The following SH3PXD2B variants were observed in gnomAD, a reference collection of about 807,000 sequenced individuals.
SH3PXD2B encodes the protein SH3 and PX domain-containing protein 2B.
SH3PXD2B carries 37 observed loss-of-function variants against 73.1 expected under a neutral mutation model. That is an observed-to-expected ratio of 0.51 (90% CI 0.39 to 0.67). The LOEUF (loss-of-function observed/expected upper bound fraction) is 0.67. Among genes scored for constraint, SH3PXD2B ranks in the 30% least tolerant of loss-of-function variants. SH3PXD2B has a pLI of 0.00. For synonymous variants in SH3PXD2B, 457 were observed against 480.5 expected (o/e 0.95, Z 0.64); for missense variants, 1,053 against 1,197.8 (o/e 0.88, Z 1.78).
At position 172,334,195 on chromosome 5, in the gene SH3PXD2B, AG is replaced by A; in HGVS notation, c.*4173del. Reference sequence around the variant, plus strand: ...CTCGATAACTTGGCAGAATAGCACCAGAAACCAGATGCCACCCCACGGAGCT... The same window carrying A: ...CTCGATAACTTGGCAGAATAGCACCAAAACCAGATGCCACCCCACGGAGCT... On this transcript the variant is annotated 3_prime_UTR_variant, in exon 13 of 13. Transcript: ENST00000311601. The A allele has an allele frequency of 9.1e-7, 1 of 1,100,432 alleles. No individual in the cohort carries two copies. The allele number at this position is 1,100,432 out of a possible 1,614,324, so 68.2% of individuals were successfully genotyped here.
At chr5:172,420,483 G>C (rs1315490872) in intron 2 of SH3PXD2B, among the ~76,000 whole-genome samples, 1 of 151,786 alleles carries the variant, frequency 6.6e-6, no homozygotes, top group Non-Finnish European at 1.5e-5. Flanking sequence ...GCACTGTCAG[G>C]AGCAGATTAG....
At chr5:172,378,718 C>T (rs1403452349) in intron 5 of SH3PXD2B, among the ~76,000 whole-genome samples, 1 of 152,174 alleles carries the variant, frequency 6.6e-6, no homozygotes, top group African/African-American at 2.4e-5. Context: ...GCCCATCTTA[C>T]ATAAGAGGAG....
At chr5:172,448,572 G>A (rs1166051568) in intron 1 of SH3PXD2B, among the ~76,000 whole-genome samples, 1 of 152,204 alleles carries the variant, frequency 6.6e-6, no homozygotes, top group Non-Finnish European at 1.5e-5. Flanking sequence ...AGCGCTTGAA[G>A]AGAATTCAAA....
chr5:172,348,429 A>C (rs547215425), intron 10 of SH3PXD2B, among the ~76,000 whole-genome samples: 1 of 151,966 alleles, frequency 6.6e-6, no homozygotes, highest in South Asian at 2.1e-4. Context: ...TTCTGGACCG[A>C]GGGATGAGGG....
rs1037161871 is a variant in SH3PXD2B at position 172,419,533 on chromosome 5, G to T, written c.156+2883C>A. ...TCCAGGTGGAAGGTGCTCACTGGGG[G>T]TTGCTCTTGGGGGATGTGGGCCAGT... is the stretch of plus-strand genomic sequence containing the variant. On this transcript the variant is annotated intron_variant, in intron 2 of 12. Coordinates refer to ENST00000311601, the MANE Select transcript of SH3PXD2B (RefSeq NM_001017995.3). Among the ~76,000 whole-genome samples the T allele has an allele frequency of 2.0e-5, 3 of 152,174 alleles. No homozygotes were observed. The South Asian group carries it at 6.2e-4, about 32-fold the overall frequency.
chr5:172,388,896 C>T (rs1482820141), intron 4 of SH3PXD2B, among the ~76,000 whole-genome samples: 1 of 152,180 alleles, frequency 6.6e-6, no homozygotes. Flanking sequence ...AAGAGCTGAA[C>T]CTTCTTCTGA....
intron 8 of SH3PXD2B, among the ~76,000 whole-genome samples, chr5:172,358,378 G>A (rs2569233): frequency 0.44 from 67,283 of 152,092 alleles, 15,311 homozygotes; most frequent in East Asian, 0.68. Context: ...CCACAGAGAA[G>A]GCAGAGGTTT....
At chr5:172,392,537 C>T (rs1278539380) in intron 4 of SH3PXD2B, among the ~76,000 whole-genome samples, 1 of 151,260 alleles carries the variant, frequency 6.6e-6, no homozygotes, top group Admixed American at 6.6e-5. Context: ...TTTGGGAGGC[C>T]GAAGTGGGTG....
At chr5:172,346,304 C>T (rs1387794541) in intron 11 of SH3PXD2B, 43 bp from the exon 12 acceptor site, 2 of 1,612,040 alleles carry the variant, frequency 1.2e-6, no homozygotes, top group South Asian at 1.1e-5. Context: ...GCTAAGTGCA[C>T]TCCTGCGACC....
At chr5:172,328,028 T>TATA (rs1382864656) in intron 12 of SH3PXD2B, among the ~76,000 whole-genome samples, 1 of 149,220 alleles carries the variant, frequency 6.7e-6, no homozygotes, top group Non-Finnish European at 1.5e-5. Flanking sequence ...GTGCTGGGAT[T>TATA]ATAGGCGTGA....
chr5:172,366,223 A>C lies in SH3PXD2B; in HGVS notation c.428-3354T>G, dbSNP rs183418968. Among the ~76,000 whole-genome samples, 93 of 152,204 alleles carry C rather than the reference A, an allele frequency of 6.1e-4. 1 individual carries two copies. Among genetic ancestry groups the C allele is most frequent in the Admixed American group, 3.8e-3 (58 of 15,296 alleles). On this transcript the variant is annotated intron_variant, in intron 6 of 12. Coordinates refer to ENST00000311601, the MANE Select transcript of SH3PXD2B (RefSeq NM_001017995.3). ...GTGCAGTGCTCCATCACCTGGCTTC[A>C]CCATGTCCTCATGGAGCCACACCCT...
intron 3 of SH3PXD2B, among the ~76,000 whole-genome samples, chr5:172,396,373 G>A (rs114306672): frequency 0.055 from 8,202 of 150,322 alleles, 341 homozygotes; most frequent in South Asian, 0.23. Flanking sequence ...GTGAGACTCC[G>A]TCTCAAAAAA....
chr5:172,384,663 A>G (rs1020572369), intron 4 of SH3PXD2B, among the ~76,000 whole-genome samples: 4 of 152,218 alleles, frequency 2.6e-5, no homozygotes, highest in African/African-American at 9.6e-5. Context: ...TTCAAGGTTC[A>G]TGCTTGCAGC....
At chr5:172,448,766 G>A (rs552777429) in intron 1 of SH3PXD2B, among the ~76,000 whole-genome samples, 2 of 152,166 alleles carry the variant, frequency 1.3e-5, no homozygotes, top group Admixed American at 6.6e-5. Flanking sequence ...GGGGGCATTC[G>A]GCCAGTTGTC....
At chr5:172,412,990 C>T (rs531531866) in intron 2 of SH3PXD2B, among the ~76,000 whole-genome samples, 6 of 152,324 alleles carry the variant, frequency 3.9e-5, no homozygotes, top group Admixed American at 2.6e-4. Context: ...CATCAGCTTG[C>T]GGTAGAGGGA....
At position 172,454,473 on chromosome 5, in the gene SH3PXD2B, C is replaced by G. The variant is rs1489230013; in HGVS notation, c.-121G>C. On this transcript the variant is annotated 5_prime_UTR_variant, in exon 1 of 13. Coordinates refer to ENST00000311601, the MANE Select transcript of SH3PXD2B (RefSeq NM_001017995.3). ...AGCTGAGCGCAATCGCAGCCGGGGC[C>G]GAGCACGAGCCGCCGCCGCCACCGC... The G allele has an allele frequency of 1.0e-5, 4 of 391,460 alleles. No individual in the cohort carries two copies. The highest frequency in any genetic ancestry group is 1.1e-5 in the Non-Finnish European group (3 of 277,740). The allele number at this position is 391,460 out of a possible 1,614,324, so 24.2% of individuals were successfully genotyped here.
At chr5:172,333,165 C>T (rs1437682063), downstream of SH3PXD2B, among the ~76,000 whole-genome samples, 2 of 151,838 alleles carry the variant, frequency 1.3e-5, no homozygotes, top group Admixed American at 6.6e-5. Flanking sequence ...GAACTCCTGA[C>T]CTCAGGTGAT....
intron 5 of SH3PXD2B, among the ~76,000 whole-genome samples, chr5:172,376,563 C>T (rs531628304): frequency 6.6e-6 from 1 of 152,256 alleles, no homozygotes; most frequent in South Asian, 2.1e-4. Flanking sequence ...GGAGCCAAGC[C>T]CAAGAGCAGG....
At chr5:172,407,297 G>A (rs982438675) in intron 2 of SH3PXD2B, among the ~76,000 whole-genome samples, 2 of 152,220 alleles carry the variant, frequency 1.3e-5, no homozygotes, top group Non-Finnish European at 2.9e-5. Flanking sequence ...CAATCCATGT[G>A]AGCTGGAGAC....
Sources: allele counts gnomAD v4.1 joint callset (sites outside exome capture counted in the v4.1 genomes callset), GRCh38; gene constraint gnomAD v4.1.1; transcripts MANE v1.5; gene names NCBI Gene and HGNC (gene_info 2026-07-23, HGNC 2026-07-21).